RELN: variants seen among roughly 807,000 people sequenced by gnomAD.
RELN encodes reelin.
In RELN, 108 loss-of-function variants were observed where a neutral mutation model predicts 427.6. The ratio of observed to expected loss-of-function variants is 0.25; its 90% CI spans 0.22 to 0.30. The LOEUF is 0.30. Among genes scored for constraint, RELN ranks in the 10% least tolerant of loss-of-function variants. The probability of loss-of-function intolerance (pLI) is 1.00; values close to 1 mark genes in which losing one functional copy is unlikely to be tolerated. For synonymous variants in RELN, 1,524 were observed against 1,513.4 expected, an observed-to-expected ratio of 1.01 and a Z score of -0.16; for missense variants, 3,715 against 4,302.8, an observed-to-expected ratio of 0.86 and a Z score of 3.82.
At chr7:103,849,095 G>A (rs1370631909) in intron 2 of RELN, among the ~76,000 whole-genome samples, 2 of 152,150 alleles carry the variant, frequency 1.3e-5, no homozygotes, top group Non-Finnish European at 2.9e-5. Flanking sequence ...TGGCATTATG[G>A]ACTAAATGTC....
chr7:103,479,248 T>C (rs1446774700), intron 63 of RELN, among the ~76,000 whole-genome samples: 2 of 152,182 alleles, frequency 1.3e-5, no homozygotes, highest in Admixed American at 6.5e-5. Flanking sequence ...AAATTCTCTT[T>C]TATCCTAAGA....
intron 41 of RELN, among the ~76,000 whole-genome samples, chr7:103,545,775 G>A (rs1830282426): frequency 6.6e-6 from 1 of 151,954 alleles, no homozygotes; most frequent in African/African-American, 2.4e-5. Flanking sequence ...CTGAGTGGCT[G>A]GGCGTGCCCA....
At chr7:103,774,915 C>T (rs1410226587) in intron 4 of RELN, among the ~76,000 whole-genome samples, 1 of 152,126 alleles carries the variant, frequency 6.6e-6, no homozygotes, top group Non-Finnish European at 1.5e-5. Flanking sequence ...GTAAATCATG[C>T]TTATGTGTAA....
Position 103,553,537 on chromosome 7 carries a change from A to G in RELN, c.5996T>C (p.Val1999Ala), listed in dbSNP as rs1830457289. 1 of 1,614,122 alleles carries G rather than the reference A, an allele frequency of 6.2e-7. No individual in the cohort carries two copies. Among genetic ancestry groups the G allele is most frequent in the Non-Finnish European group, 8.5e-7 (1 of 1,179,988 alleles). ...GGAATGCTCACCAACTTCATTTGAA[A>G]CAAACACCATAGCTGAATCTTCTTC... ...APEEDSAMVF[V>A]SNEVGEHSIT... The change falls in exon 40 of 65, where the codon GTT becomes GCT. Residue 1999 changes from valine (V) to alanine (A), a missense_variant. By Grantham distance (64) the Val-to-Ala change is moderately conservative. Around this residue, in one of 4 missense-constraint regions of RELN, gnomAD observed 1,310 missense variants for 1,643.0 expected, o/e 0.80. Transcript: ENST00000428762.
intron 3 of RELN, among the ~76,000 whole-genome samples, chr7:103,816,960 T>C (rs890757991): frequency 1.3e-5 from 2 of 152,124 alleles, no homozygotes; most frequent in African/African-American, 4.8e-5. Flanking sequence ...CAAGCGATTC[T>C]CCTGCCCCAG....
intron 2 of RELN, among the ~76,000 whole-genome samples, chr7:103,872,030 A>ATATTTT (rs773045936): frequency 1.6e-3 from 217 of 138,442 alleles, no homozygotes; most frequent in Middle Eastern, 3.7e-3. Context: ...ATATATATAT[A>ATATTTT]TTTTTCTTTT....
At chr7:103,517,908 A>G (rs1441460517) in intron 49 of RELN, among the ~76,000 whole-genome samples, 1 of 152,182 alleles carries the variant, frequency 6.6e-6, no homozygotes, top group African/African-American at 2.4e-5. Context: ...GCTAAACTCA[A>G]TAGCTAATGG....
intron 1 of RELN, among the ~76,000 whole-genome samples, chr7:103,965,909 T>A (rs865914513): frequency 5.8e-4 from 88 of 152,328 alleles, no homozygotes; most frequent in Middle Eastern, 6.8e-3. Flanking sequence ...TTCTTAACAT[T>A]TGAATTATTC....
chr7:103,542,073 C>T (rs1830188064), intron 43 of RELN, among the ~76,000 whole-genome samples: 3 of 152,220 alleles, frequency 2.0e-5, no homozygotes, highest in South Asian at 4.1e-4. Context: ...TTTTATCTTC[C>T]TTGTTAAGTT....
chr7:103,525,778 G>A (rs1301429543), intron 46 of RELN, among the ~76,000 whole-genome samples: 1 of 151,430 alleles, frequency 6.6e-6, no homozygotes, highest in Non-Finnish European at 1.5e-5. Context: ...TGTATCCTCA[G>A]TGCTTATAGA....
intron 3 of RELN, among the ~76,000 whole-genome samples, chr7:103,826,721 T>C (rs532654172): frequency 1.4e-4 from 22 of 152,096 alleles, no homozygotes; most frequent in Non-Finnish European, 2.6e-4. Context: ...CCATACCTCA[T>C]TTTAAAAAAT....
At chr7:103,731,468 T>C (rs1356001188) in intron 6 of RELN, among the ~76,000 whole-genome samples, 1 of 151,922 alleles carries the variant, frequency 6.6e-6, no homozygotes, top group Non-Finnish European at 1.5e-5. Flanking sequence ...CCCAATTAAT[T>C]GATACCAAAT....
At chr7:103,497,099 A>G (rs188373844) in intron 55 of RELN, among the ~76,000 whole-genome samples, 6 of 152,350 alleles carry the variant, frequency 3.9e-5, no homozygotes, top group Admixed American at 2.0e-4. Flanking sequence ...TTTCTAGGCA[A>G]TAGCTTTCAG....
intron 28 of RELN, among the ~76,000 whole-genome samples, chr7:103,585,835 A>C (rs1831257153): frequency 6.6e-6 from 1 of 152,226 alleles, no homozygotes; most frequent in African/African-American, 2.4e-5. Context: ...TGAAAACAAC[A>C]GCACATCGAA....
chr7:103,566,544 G>C, intron 32 of RELN, 57 bp downstream of exon 32: 2 of 1,602,508 alleles, frequency 1.2e-6, no homozygotes, highest in South Asian at 2.2e-5. Context: ...TGCAAGGTGG[G>C]TATGGATACT....
At chr7:103,651,187 G>A (rs528352409) in intron 15 of RELN, among the ~76,000 whole-genome samples, 1 of 152,116 alleles carries the variant, frequency 6.6e-6, no homozygotes, top group South Asian at 2.1e-4. Context: ...ATTCTGTAAT[G>A]TGGCAAGTAT....
At chr7:103,653,891 C>T (rs1832973520) in intron 13 of RELN, among the ~76,000 whole-genome samples, 1 of 152,052 alleles carries the variant, frequency 6.6e-6, no homozygotes, top group South Asian at 2.1e-4. Flanking sequence ...ACTCTTCCTT[C>T]CTGATAACTC....
At chr7:103,736,881 C>A (rs1456381348) in intron 6 of RELN, among the ~76,000 whole-genome samples, 1 of 152,036 alleles carries the variant, frequency 6.6e-6, no homozygotes, top group African/African-American at 2.4e-5. Context: ...TGAAGCTTTT[C>A]CCTGGAGCAA....
intron 8 of RELN, among the ~76,000 whole-genome samples, chr7:103,702,808 C>T (rs746566409): frequency 2.0e-4 from 30 of 152,192 alleles, no homozygotes; most frequent in Non-Finnish European, 4.0e-4. Context: ...CCTGTCCCAG[C>T]CTCACCGGTT....
Sources: gnomAD v4.1 joint callset for allele counts (sites outside exome capture counted in the v4.1 genomes callset) on GRCh38, gnomAD v4.1.1 for gene constraint, gnomAD v4.1.1 regional missense constraint, MANE v1.5 for transcripts, NCBI Gene and HGNC (gene_info 2026-07-23, HGNC 2026-07-21) for gene names.